ATF2: variants seen among roughly 807,000 people sequenced by gnomAD.
ATF2 encodes the protein activating transcription factor 2.
ATF2 carries 24 observed loss-of-function variants against 60.6 expected under a neutral mutation model. The ratio of observed to expected loss-of-function variants is 0.40; its 90% CI spans 0.29 to 0.56. The LOEUF (loss-of-function observed/expected upper bound fraction) is 0.56, where lower values mean the gene tolerates loss of function less well. Among genes scored for constraint, ATF2 ranks in the 20% least tolerant of loss-of-function variants. The pLI is 0.54. For missense variants in ATF2, 433 were observed against 607.7 expected (o/e 0.71, Z 3.02); for synonymous variants, 206 against 215.4 (o/e 0.96, Z 0.38).
Position 175,099,691 on chromosome 2 carries a change from GA to G in ATF2, c.829-2099del, listed in dbSNP as rs548429077. 1.8e-3 allele frequency among the ~76,000 whole-genome samples: 276 copies of G among 152,264 alleles called. 1 individual carries two copies. The highest frequency in any genetic ancestry group is 6.4e-3 in the African/African-American group (267 of 41,548). ...GTTGTATTATCTGTAGTTTTTTAATGAGTTTTTAATTGTATAGTATCCCCAT... is the reference window on the plus strand; with the variant it reads ...GTTGTATTATCTGTAGTTTTTTAATGGTTTTTAATTGTATAGTATCCCCAT... On this transcript the variant is annotated intron_variant, in intron 10 of 13. Transcript: ENST00000264110.
chr2:175,076,565 C>G (rs1448504418), intron 13 of ATF2, among the ~76,000 whole-genome samples: 1 of 151,994 alleles, frequency 6.6e-6, no homozygotes, highest in African/African-American at 2.4e-5. Context: ...TCTCCTTCAC[C>G]CCCCTACTTT....
intron 13 of ATF2, among the ~76,000 whole-genome samples, chr2:175,078,039 C>G (rs1458298509): frequency 6.6e-6 from 1 of 152,226 alleles, no homozygotes; most frequent in African/African-American, 2.4e-5. Context: ...ACGATCACAG[C>G]TCACTGCAGC....
chr2:175,143,591 G>A (rs1698744880), intron 2 of ATF2, among the ~76,000 whole-genome samples: 1 of 152,082 alleles, frequency 6.6e-6, no homozygotes, highest in Non-Finnish European at 1.5e-5. Flanking sequence ...CAAATATACA[G>A]TATTGATTTC....
chr2:175,146,888 G>A (rs1698996974), intron 2 of ATF2, among the ~76,000 whole-genome samples: 1 of 151,640 alleles, frequency 6.6e-6, no homozygotes, highest in Non-Finnish European at 1.5e-5. Context: ...CAGATAACGG[G>A]GGAGTACTGT....
chr2:175,156,461 G>A (rs1264431213), intron 1 of ATF2, among the ~76,000 whole-genome samples: 5 of 145,544 alleles, frequency 3.4e-5, no homozygotes, highest in African/African-American at 1.3e-4. Context: ...CTAATCAAGA[G>A]ACCTCAAGAG....
chr2:175,132,474 T>G (rs1697801445), intron 3 of ATF2, among the ~76,000 whole-genome samples: 1 of 152,228 alleles, frequency 6.6e-6, no homozygotes, highest in Admixed American at 6.5e-5. Context: ...ATGTGGTATA[T>G]CACACTGAAT....
chr2:175,143,871 C>CA (rs1462272083), intron 2 of ATF2, among the ~76,000 whole-genome samples: 3 of 152,214 alleles, frequency 2.0e-5, no homozygotes, highest in African/African-American at 7.2e-5. Flanking sequence ...TGGTTCACTA[C>CA]AGGCTCCACC....
intron 1 of ATF2, chr2:175,167,587 C>T (rs752256296): frequency 3.2e-5 from 15 of 473,294 alleles, no homozygotes; most frequent in African/African-American, 2.6e-4. Context: ...CGCTTGAATA[C>T]TGGGTGGGGA....
At chr2:175,108,163 G>A (rs1200181431) in intron 10 of ATF2, among the ~76,000 whole-genome samples, 1 of 151,714 alleles carries the variant, frequency 6.6e-6, no homozygotes, top group Non-Finnish European at 1.5e-5. Flanking sequence ...GATGTGGGGA[G>A]CGCCTCTGCC....
chr2:175,121,479 A>C lies in ATF2; in HGVS notation c.164T>G (p.Phe55Cys). The C allele has an allele frequency of 6.2e-7, 1 of 1,605,096 alleles. No homozygotes were observed. The highest frequency in any genetic ancestry group is 8.5e-7 in the Non-Finnish European group (1 of 1,175,038). The change falls in exon 5 of 14, where the codon TTT becomes TGT. Residue 55 changes from phenylalanine to cysteine, a missense_variant. Around this residue, in one of 5 missense-constraint regions of ATF2, gnomAD observed 29 missense variants for 102.1 expected, o/e 0.28. Coordinates refer to ENST00000264110, the MANE Select transcript of ATF2 (RefSeq NM_001880.4). Reference protein sequence around the residue: ...HKHKHEMTLKFGPARNDSVIV... With the variant: ...HKHKHEMTLKCGPARNDSVIV... ...GACACTGTCATTACGTGCTGGACCA[A>C]ATTTCAGTGTCATCTCATGTTTATG...
intron 1 of ATF2, among the ~76,000 whole-genome samples, chr2:175,163,831 G>A (rs1700170000): frequency 6.9e-6 from 1 of 144,754 alleles, no homozygotes; most frequent in South Asian, 2.2e-4. Flanking sequence ...GCTGAGGCAG[G>A]AGAATCACTT....
intron 13 of ATF2, among the ~76,000 whole-genome samples, chr2:175,075,649 G>T (rs1160575085): frequency 2.0e-5 from 3 of 152,114 alleles, no homozygotes; most frequent in Admixed American, 6.6e-5. Context: ...TATAGTATAT[G>T]TAAGTTATGA....
At chr2:175,161,640 T>C (rs1413040697) in intron 1 of ATF2, among the ~76,000 whole-genome samples, 1 of 152,240 alleles carries the variant, frequency 6.6e-6, no homozygotes, top group Non-Finnish European at 1.5e-5. Flanking sequence ...CATATACTCA[T>C]ATACACTTTC....
chr2:175,096,612 TG>T (rs1286686409), intron 11 of ATF2, among the ~76,000 whole-genome samples: 1 of 152,156 alleles, frequency 6.6e-6, no homozygotes, highest in Non-Finnish European at 1.5e-5. Flanking sequence ...TCTGCCTCTT[TG>T]GGACATACAC....
chr2:175,081,311 A>G (rs1298087082), intron 12 of ATF2, among the ~76,000 whole-genome samples: 3 of 152,188 alleles, frequency 2.0e-5, no homozygotes, highest in Non-Finnish European at 4.4e-5. Context: ...CAATGAAACT[A>G]GATATAACAT....
intron 4 of ATF2, among the ~76,000 whole-genome samples, chr2:175,129,171 A>G (rs1697557187): frequency 6.6e-6 from 1 of 152,202 alleles, no homozygotes; most frequent in Non-Finnish European, 1.5e-5. Context: ...AACTATTGGT[A>G]ACATAACATG....
intron 10 of ATF2, among the ~76,000 whole-genome samples, chr2:175,104,338 ATTC>A (rs927279733): frequency 1.3e-5 from 2 of 152,214 alleles, no homozygotes; most frequent in African/African-American, 4.8e-5. Context: ...GGTCTAATAA[ATTC>A]TTGAGAGAGA....
intron 12 of ATF2, among the ~76,000 whole-genome samples, chr2:175,091,764 G>A (rs1306405148): frequency 6.6e-6 from 1 of 152,222 alleles, no homozygotes; most frequent in Admixed American, 6.5e-5. Context: ...CTGGGAGGCT[G>A]AGGCAGGAGA....
intron 11 of ATF2, among the ~76,000 whole-genome samples, chr2:175,095,167 G>C (rs1421777714): frequency 6.6e-6 from 1 of 150,402 alleles, no homozygotes; most frequent in African/African-American, 2.4e-5. Flanking sequence ...ACGTGATCTT[G>C]GCTCACTACA....
Sources: gnomAD v4.1 joint callset for allele counts (sites outside exome capture counted in the v4.1 genomes callset) on GRCh38, gnomAD v4.1.1 for gene constraint, gnomAD v4.1.1 regional missense constraint, MANE v1.5 for transcripts, NCBI Gene and HGNC (gene_info 2026-07-23, HGNC 2026-07-21) for gene names.